Variants in PROM1 observed in about 807,000 individuals in gnomAD.
The protein encoded by PROM1 is prominin-1.
Under a neutral mutation model 116.9 loss-of-function variants are expected in PROM1, and 105 were observed. The observed-to-expected ratio is 0.90, with a 90% CI of 0.77 to 1.06. The LOEUF (loss-of-function observed/expected upper bound fraction) is 1.06. Ranked by LOEUF, PROM1 falls within the 50% of genes least tolerant of loss-of-function variation. The pLI is 0.00. For missense variants in PROM1, 1,122 were observed against 1,045.2 expected (o/e 1.07, Z -1.01); for synonymous variants, 393 against 387.0 (o/e 1.02, Z -0.18).
chr4:16,050,465 C>T (rs1391935761), intron 2 of PROM1, among the ~76,000 whole-genome samples: 2 of 152,268 alleles, frequency 1.3e-5, no homozygotes, highest in South Asian at 2.1e-4. Context: ...GTGACTCTCC[C>T]GCCTCAGCCT....
chr4:15,985,645 T>C (rs1354357031), intron 22 of PROM1, 115 bp downstream of exon 22: 1 of 853,612 alleles, frequency 1.2e-6, no homozygotes, highest in Non-Finnish European at 1.9e-6. Context: ...GTCCTTTCAC[T>C]TACTTCCTAC....
intron 2 of PROM1, among the ~76,000 whole-genome samples, chr4:16,040,679 C>T (rs575466914): frequency 1.2e-4 from 19 of 152,240 alleles, no homozygotes; most frequent in African/African-American, 3.9e-4. Context: ...CAAAATAAGA[C>T]GTCCCTACTC....
At chr4:16,038,838 TA>T in intron 3 of PROM1, 107 bp downstream of exon 3, 1 of 1,140,398 alleles carries the variant, frequency 8.8e-7, no homozygotes. Flanking sequence ...AAAAGATTAC[TA>T]AAATTGCAGA....
intron 7 of PROM1, 110 bp downstream of exon 7, chr4:16,024,185 T>A: frequency 1.0e-6 from 1 of 967,514 alleles, no homozygotes; most frequent in Non-Finnish European, 1.6e-6. Context: ...TAGGGAATCA[T>A]CTTTCTGTCT....
chr4:16,075,567 C>G (rs1224379469), intron 2 of PROM1, 120 bp downstream of exon 2: 12 of 973,120 alleles, frequency 1.2e-5, no homozygotes, highest in Admixed American at 2.8e-5. Context: ...CTTTCTGCTT[C>G]TGTGCAAAGC....
intron 6 of PROM1, 128 bp downstream of exon 6, chr4:16,025,064 C>G: frequency 8.6e-7 from 1 of 1,167,376 alleles, no homozygotes; most frequent in Non-Finnish European, 1.2e-6. Flanking sequence ...AGGACATTAA[C>G]AGATAACACC....
At chr4:15,973,461 A>C (rs1285259327) in intron 26 of PROM1, among the ~76,000 whole-genome samples, 1 of 152,200 alleles carries the variant, frequency 6.6e-6, no homozygotes, top group Non-Finnish European at 1.5e-5. Context: ...CAACAACAAC[A>C]GCAAAGAATC....
chr4:16,068,702 T>C (rs1371749070), intron 2 of PROM1, among the ~76,000 whole-genome samples: 3 of 152,184 alleles, frequency 2.0e-5, no homozygotes, highest in African/African-American at 4.8e-5. Context: ...ACTAAATTTG[T>C]TATAATTTTG....
chr4:16,038,241 T>C (rs1002219040), intron 3 of PROM1, among the ~76,000 whole-genome samples: 2 of 152,194 alleles, frequency 1.3e-5, no homozygotes, highest in East Asian at 1.9e-4. Context: ...CTTATACAAA[T>C]GCAAAGCTAC....
intron 13 of PROM1, among the ~76,000 whole-genome samples, chr4:16,001,379 G>A (rs1045068764): frequency 2.6e-5 from 4 of 152,102 alleles, no homozygotes; most frequent in East Asian, 1.9e-4. Context: ...TCTGGGTTTC[G>A]GATGTACCTT....
At chr4:15,984,410 G>C (rs1718798640) in intron 22 of PROM1, 55 bp from the exon 23 acceptor site, 3 of 1,290,904 alleles carry the variant, frequency 2.3e-6, no homozygotes, top group Non-Finnish European at 3.2e-6. Flanking sequence ...AAACCCAAAG[G>C]AATGAGACGT....
intron 17 of PROM1, 77 bp downstream of exon 17, chr4:15,992,171 A>C (rs1457643939): frequency 6.4e-7 from 1 of 1,570,706 alleles, no homozygotes; most frequent in African/African-American, 1.4e-5. Flanking sequence ...TTAATAAAAA[A>C]TCAAAAGCAA....
chr4:16,026,412 C>T (rs1731293378), intron 5 of PROM1, among the ~76,000 whole-genome samples: 1 of 151,886 alleles, frequency 6.6e-6, no homozygotes, highest in Admixed American at 6.6e-5. Flanking sequence ...CCTGCAGAAG[C>T]AAGTAAAAAA....
intron 22 of PROM1, 69 bp from the exon 23 acceptor site, chr4:15,984,424 A>G (rs1718801267): frequency 5.3e-6 from 6 of 1,130,202 alleles, no homozygotes; most frequent in African/African-American, 3.1e-5. Context: ...GAGACGTGCC[A>G]TTTACTTTTG....
Position 16,024,168 on chromosome 4 carries a change from A to C in PROM1, c.694+127T>G, listed in dbSNP as rs182522123. ...CTGAGTAACAAATGACACATTGGCA[A>C]TAAGGCTAGGGAATCATCTTTCTGT... On this transcript the variant is annotated intron_variant, in intron 7 of 27. Coordinates refer to ENST00000447510, the MANE Select transcript of PROM1 (RefSeq NM_006017.3). The C allele has an allele frequency of 2.3e-3, 1,884 of 826,782 alleles. 10 individuals are homozygous for C. The highest frequency in any genetic ancestry group is 0.01 in the Middle Eastern group (40 of 3,942). The allele number at this position is 826,782 out of a possible 1,614,324, so 51.2% of individuals were successfully genotyped here.
chr4:15,989,026 C>A (rs180963004), intron 19 of PROM1, among the ~76,000 whole-genome samples: 2 of 152,222 alleles, frequency 1.3e-5, no homozygotes, highest in African/African-American at 4.8e-5. Context: ...ACGGCCCACA[C>A]ACAAGCATAA....
At chr4:16,004,336 A>G (rs1362196600) in intron 13 of PROM1, among the ~76,000 whole-genome samples, 1 of 152,198 alleles carries the variant, frequency 6.6e-6, no homozygotes, top group Non-Finnish European at 1.5e-5. Flanking sequence ...ATGTCTATAG[A>G]ATTAGTATAT....
chr4:16,050,996 T>C (rs1053718287), intron 2 of PROM1, among the ~76,000 whole-genome samples: 14 of 152,160 alleles, frequency 9.2e-5, no homozygotes, highest in South Asian at 2.1e-4. Context: ...CAAAATAAAG[T>C]AGGTGTGCTG....
chr4:16,004,828 T>C (rs542374271), intron 13 of PROM1, among the ~76,000 whole-genome samples: 18 of 77,924 alleles, frequency 2.3e-4, no homozygotes, highest in African/African-American at 6.2e-4. Context: ...TCTTTCTTTC[T>C]TTTTCTTCCT....
Sources: gnomAD v4.1 joint callset for allele counts (sites outside exome capture counted in the v4.1 genomes callset) on GRCh38, gnomAD v4.1.1 for gene constraint, MANE v1.5 for transcripts, NCBI Gene and HGNC (gene_info 2026-07-23, HGNC 2026-07-21) for gene names.